The following IGF1R variants were observed in gnomAD, a reference collection of about 807,000 sequenced individuals.
The protein encoded by IGF1R is insulin-like growth factor 1 receptor.
IGF1R carries 44 observed loss-of-function variants against 144.6 expected under a neutral mutation model. That is an observed-to-expected ratio of 0.30 (90% CI 0.24 to 0.39). IGF1R has a LOEUF of 0.39. Among genes scored for constraint, IGF1R ranks in the 10% least tolerant of loss-of-function variants. IGF1R has a pLI of 1.00. For synonymous variants in IGF1R, 795 were observed against 722.8 expected, an observed-to-expected ratio of 1.10 and a Z score of -1.60; for missense variants, 1,355 against 1,833.7, an observed-to-expected ratio of 0.74 and a Z score of 4.77.
intron 2 of IGF1R, among the ~76,000 whole-genome samples, chr15:98,833,661 A>G (rs944786853): frequency 6.6e-6 from 1 of 152,258 alleles, no homozygotes. Context: ...AGGAAATGTC[A>G]TGTAATAATA....
chr15:98,808,026 G>A (rs2056504679), intron 2 of IGF1R, among the ~76,000 whole-genome samples: 1 of 152,152 alleles, frequency 6.6e-6, no homozygotes, highest in African/African-American at 2.4e-5. Context: ...TACTATTTCT[G>A]TGCAGTAATG....
chr15:98,721,727 A>C (rs983481265), intron 2 of IGF1R, among the ~76,000 whole-genome samples: 15 of 152,208 alleles, frequency 9.9e-5, no homozygotes, highest in African/African-American at 3.6e-4. Flanking sequence ...GATTTACAAA[A>C]CATTTTTGGA....
chr15:98,854,568 C>A (rs1398624546), intron 2 of IGF1R, among the ~76,000 whole-genome samples: 1 of 152,174 alleles, frequency 6.6e-6, no homozygotes, highest in South Asian at 2.1e-4. Context: ...TGGGTTTCTG[C>A]ATCACCTGCT....
At chr15:98,715,325 A>C (rs2054088566) in intron 2 of IGF1R, among the ~76,000 whole-genome samples, 1 of 152,154 alleles carries the variant, frequency 6.6e-6, no homozygotes, top group Non-Finnish European at 1.5e-5. Flanking sequence ...TGATGGTGTC[A>C]CCATCCTGGG....
intron 4 of IGF1R, among the ~76,000 whole-genome samples, chr15:98,897,873 A>G (rs2014281822): frequency 6.6e-6 from 1 of 152,056 alleles, no homozygotes; most frequent in Non-Finnish European, 1.5e-5. Context: ...ATATCGTAAA[A>G]TGGCTTTGAA....
intron 20 of IGF1R, among the ~76,000 whole-genome samples, chr15:98,949,534 A>C (rs1317911526): frequency 6.6e-6 from 1 of 150,488 alleles, no homozygotes; most frequent in Non-Finnish European, 1.5e-5. Flanking sequence ...ACCCACCACC[A>C]CTCCCAGCTA....
At chr15:98,828,777 T>G (rs1241300532) in intron 2 of IGF1R, among the ~76,000 whole-genome samples, 2 of 149,930 alleles carry the variant, frequency 1.3e-5, no homozygotes, top group Non-Finnish European at 1.5e-5. Flanking sequence ...GAGCATGGTT[T>G]TTTTTTTTTT....
intron 2 of IGF1R, among the ~76,000 whole-genome samples, chr15:98,731,100 A>G (rs535582691): frequency 3.3e-5 from 5 of 152,344 alleles, no homozygotes; most frequent in African/African-American, 1.2e-4. Flanking sequence ...ATGAGATCCA[A>G]ACTGTTGTGG....
At chr15:98,789,181 T>C (rs1286338098) in intron 2 of IGF1R, among the ~76,000 whole-genome samples, 1 of 152,226 alleles carries the variant, frequency 6.6e-6, no homozygotes, top group African/African-American at 2.4e-5. Context: ...TCTCTGTGTG[T>C]AAGTAGTTAT....
intron 20 of IGF1R, among the ~76,000 whole-genome samples, chr15:98,953,669 G>A (rs11855634): frequency 1.4e-3 from 209 of 152,316 alleles, no homozygotes; most frequent in African/African-American, 2.4e-3. Flanking sequence ...ACAGCTCCAC[G>A]TGTCCAGACT....
At chr15:98,740,442 C>CA (rs1264083215) in intron 2 of IGF1R, among the ~76,000 whole-genome samples, 1 of 152,210 alleles carries the variant, frequency 6.6e-6, no homozygotes, top group Admixed American at 6.5e-5. Context: ...GAAACCCAAA[C>CA]AGAGTCTTGA....
Position 98,948,669 on chromosome 15 carries a change from G to A in IGF1R, c.3683G>A (p.Gly1228Asp). 1 of 1,614,152 alleles carries A rather than the reference G, an allele frequency of 6.2e-7. No individual in the cohort carries two copies. Among genetic ancestry groups the A allele is most frequent in the Non-Finnish European group, 8.5e-7 (1 of 1,180,036 alleles). The change falls in exon 20 of 21, where the codon GGC becomes GAC. Residue 1228 changes from glycine (G) to aspartate (D), a missense_variant. Coordinates refer to ENST00000650285, the MANE Select transcript of IGF1R (RefSeq NM_000875.5). ...NEQVLRFVME[G>D]GLLDKPDNCP... The stretch of plus-strand genomic sequence containing the variant: ...CAAGTCCTTCGCTTCGTCATGGAGG[G>A]CGGCCTTCTGGACAAGCCAGACAAC...
rs531734657 is a variant in IGF1R, at chr15:98,902,626, G to T, written c.1247+3005G>T. On this transcript the variant is annotated intron_variant, in intron 5 of 20. Coordinates refer to ENST00000650285, the MANE Select transcript of IGF1R (RefSeq NM_000875.5). ...AGACGGACTTTCACCGTGTTGTTCA[G>T]GCTGGTCTCAAACTCCTGACCTTGT... 7.3e-5 allele frequency among the ~76,000 whole-genome samples: 11 copies of T among 151,718 alleles called. No homozygotes were observed. In the South Asian group the frequency reaches 2.3e-3, roughly 32 times the overall value.
chr15:98,950,487 A>ACT (rs2016731223), intron 20 of IGF1R, among the ~76,000 whole-genome samples: 2 of 152,194 alleles, frequency 1.3e-5, no homozygotes, highest in Non-Finnish European at 2.9e-5. Context: ...CACTTGCAGG[A>ACT]CTGAGGTCCC....
intron 9 of IGF1R, 61 bp downstream of exon 9, chr15:98,916,192 T>C (rs2015237319): frequency 1.3e-6 from 2 of 1,516,172 alleles, no homozygotes; most frequent in South Asian, 2.3e-5. Context: ...GGTTGTAATG[T>C]GCCTGAGCCC....
At chr15:98,938,444 T>G (rs1000560298) in intron 17 of IGF1R, among the ~76,000 whole-genome samples, 11 of 152,350 alleles carry the variant, frequency 7.2e-5, no homozygotes, top group African/African-American at 2.2e-4. Flanking sequence ...ATATAAAACT[T>G]TTTTCTAAAT....
rs924115395 is a variant in IGF1R at position 98,939,207 on chromosome 15, C to T, written c.3304C>T (p.Pro1102Ser). The T allele has an allele frequency of 1.9e-6, 3 of 1,613,592 alleles. No individual in the cohort carries two copies. The highest frequency in any genetic ancestry group is 1.6e-4 in the Middle Eastern group (1 of 6,062). Residue 1102 changes from proline (P) to serine (S), a missense_variant, in exon 18 of 21, where the codon CCA (proline) becomes TCA (serine). Pro to Ser is a moderately conservative substitution (Grantham distance 74). This residue lies in a region of IGF1R where 45 missense variants were observed against 43.5 expected (regional missense o/e 1.03). Coordinates refer to ENST00000650285, the MANE Select transcript of IGF1R (RefSeq NM_000875.5). ...TTTTTTAAATCTCCAACAGAATAAT[C>T]CAGTCCTAGCACCTCCAAGCCTGAG... ...RSLRPEMENN[P>S]VLAPPSLSKM... is the part of the protein sequence containing the mutation.
intron 1 of IGF1R, among the ~76,000 whole-genome samples, chr15:98,687,468 A>G (rs1006220377): frequency 2.6e-5 from 4 of 152,198 alleles, no homozygotes; most frequent in African/African-American, 9.6e-5. Flanking sequence ...GACTGGATGT[A>G]TTGACACAGG....
rs76620950 is a variant in IGF1R, at chr15:98,840,130, G to A, written c.641-51195G>A. ...CATTACATTCTTTTCTGTCCTTCCC[G>A]GACATCTTTGCTAGCACAGTGAGTG... On this transcript the variant is annotated intron_variant, in intron 2 of 20. Coordinates refer to ENST00000650285, the MANE Select transcript of IGF1R (RefSeq NM_000875.5). 5.2e-3 allele frequency among the ~76,000 whole-genome samples: 793 copies of A among 152,070 alleles called. 22 individuals are homozygous for A. The South Asian group carries it at 0.06, about 12-fold the overall frequency.
Sources: allele counts gnomAD v4.1 joint callset (sites outside exome capture counted in the v4.1 genomes callset), GRCh38; gene constraint gnomAD v4.1.1; regional missense constraint gnomAD v4.1.1; transcripts MANE v1.5; gene names NCBI Gene and HGNC (gene_info 2026-07-23, HGNC 2026-07-21).